FOCAD: variants seen among roughly 807,000 people sequenced by gnomAD.
FOCAD encodes the protein KIAA1797.
In FOCAD, 198 loss-of-function variants were observed where a neutral mutation model predicts 225.6. The observed-to-expected ratio is 0.88, with a 90% CI of 0.78 to 0.99. The LOEUF (loss-of-function observed/expected upper bound fraction) is 0.99. Ranked by LOEUF, FOCAD falls within the 50% of genes least tolerant of loss-of-function variation. The pLI, the probability that FOCAD is intolerant of heterozygous loss-of-function variation, is 0.00. For synonymous variants in FOCAD, 897 were observed against 755.0 expected (o/e 1.19, Z -3.08); for missense variants, 2,713 against 2,123.6 (o/e 1.28, Z -5.46).
At chr9:20,752,050 G>T (rs1157572186) in intron 5 of FOCAD, among the ~76,000 whole-genome samples, 1 of 141,954 alleles carries the variant, frequency 7.0e-6, no homozygotes, top group African/African-American at 2.6e-5. Context: ...TGTAGATTCT[G>T]GATATTAGCC....
intron 11 of FOCAD, among the ~76,000 whole-genome samples, chr9:20,797,249 A>G (rs907064483): frequency 7.9e-5 from 12 of 152,174 alleles, no homozygotes; most frequent in Admixed American, 2.0e-4. Context: ...GTCAGGTAGC[A>G]TGATGCCTCC....
chr9:20,734,875 G>C (rs139429653), intron 4 of FOCAD, among the ~76,000 whole-genome samples: 55 of 152,200 alleles, frequency 3.6e-4, no homozygotes, highest in Non-Finnish European at 6.9e-4. Context: ...GGGCCCAAGC[G>C]ATTCGCCCAC....
At chr9:20,957,665 C>CTA in intron 35 of FOCAD, 1 of 42,702 alleles carries the variant, frequency 2.3e-5, no homozygotes, top group Non-Finnish European at 4.4e-5. Context: ...GCATAGATAT[C>CTA]TCTCTCTCTT....
intron 5 of FOCAD, among the ~76,000 whole-genome samples, chr9:20,753,004 G>A (rs891780288): frequency 6.6e-6 from 1 of 151,468 alleles, no homozygotes; most frequent in Non-Finnish European, 1.5e-5. Context: ...TTTGTACATT[G>A]ATTTTGTATC....
chr9:20,837,203 C>G (rs867591196), intron 15 of FOCAD, among the ~76,000 whole-genome samples: 1 of 152,018 alleles, frequency 6.6e-6, no homozygotes, highest in South Asian at 2.1e-4. Context: ...ATGAAAAGTT[C>G]TCTCACTTGA....
chr9:20,838,933 CGTATG>C (rs1425096222), intron 15 of FOCAD, among the ~76,000 whole-genome samples: 3 of 151,924 alleles, frequency 2.0e-5, no homozygotes. Context: ...TAATATTTAA[CGTATG>C]GATTGGTGGT....
chr9:20,801,603 A>G (rs985744807), intron 11 of FOCAD, among the ~76,000 whole-genome samples: 12 of 152,172 alleles, frequency 7.9e-5, no homozygotes, highest in African/African-American at 2.9e-4. Flanking sequence ...TTTATTTTAT[A>G]CTTGACATCT....
intron 4 of FOCAD, among the ~76,000 whole-genome samples, chr9:20,738,723 T>C (rs538385954): frequency 2.6e-5 from 4 of 152,294 alleles, no homozygotes; most frequent in Admixed American, 2.6e-4. Flanking sequence ...ACTATTTGAG[T>C]GTCTACAGCA....
At chr9:20,692,425 C>T (rs1587233576) in intron 1 of FOCAD, among the ~76,000 whole-genome samples, 2 of 152,104 alleles carry the variant, frequency 1.3e-5, no homozygotes, top group Admixed American at 6.5e-5. Context: ...TCTAAGCCCC[C>T]GTTGTTTATG....
intron 19 of FOCAD, among the ~76,000 whole-genome samples, chr9:20,878,750 G>A (rs1008987100): frequency 6.6e-6 from 1 of 152,180 alleles, no homozygotes; most frequent in African/African-American, 2.4e-5. Context: ...CTATCTGCAA[G>A]CTGGAGACTG....
chr9:20,787,561 C>A (rs1382973055), intron 10 of FOCAD, among the ~76,000 whole-genome samples: 2 of 150,114 alleles, frequency 1.3e-5, no homozygotes, highest in African/African-American at 5.1e-5. Flanking sequence ...AGAGCTAGAG[C>A]TATATAAACT....
intron 28 of FOCAD, among the ~76,000 whole-genome samples, chr9:20,934,212 A>G (rs1481745092): frequency 6.6e-6 from 1 of 152,062 alleles, no homozygotes; most frequent in Non-Finnish European, 1.5e-5. Context: ...TCTTTCGTTT[A>G]ATTAAGTCCA....
intron 18 of FOCAD, chr9:20,874,310 C>G (rs1830044177): frequency 6.0e-6 from 1 of 167,264 alleles, no homozygotes. Flanking sequence ...AGGCAAATAT[C>G]TAACTATGAG....
chr9:20,921,396 C>T (rs1834417537), intron 24 of FOCAD, among the ~76,000 whole-genome samples: 2 of 152,178 alleles, frequency 1.3e-5, no homozygotes, highest in African/African-American at 4.8e-5. Context: ...GCAAATTAGT[C>T]TCTCTTGTTT....
chr9:20,907,149 G>T lies in FOCAD; in HGVS notation c.2626-1G>T, dbSNP rs1274682948. On this transcript the variant is annotated splice_acceptor_variant, in intron 21 of 43. Transcript: ENST00000338382. LOFTEE classifies it high-confidence loss of function. ...TATGTTGTGGTACATTTTTCCCATA[G>T]GTTCATATCCAGCTTTCAGAGTGGC... is the stretch of plus-strand genomic sequence containing the variant. The T allele has an allele frequency of 9.3e-6, 15 of 1,611,806 alleles. No individual in the cohort carries two copies. The highest frequency in any genetic ancestry group is 1.3e-5 in the Non-Finnish European group (15 of 1,178,526).
intron 4 of FOCAD, among the ~76,000 whole-genome samples, chr9:20,732,142 T>G (rs1415154626): frequency 2.6e-5 from 4 of 152,312 alleles, no homozygotes; most frequent in Admixed American, 1.3e-4. Flanking sequence ...TGCTAGGTGC[T>G]GTGATACCGT....
intron 29 of FOCAD, among the ~76,000 whole-genome samples, chr9:20,945,706 G>A (rs573847509): frequency 6.6e-6 from 1 of 152,156 alleles, no homozygotes; most frequent in East Asian, 1.9e-4. Flanking sequence ...ATAAATGAAA[G>A]CAATGTTTTT....
chr9:20,966,663 G>A (rs1426243918), intron 35 of FOCAD, among the ~76,000 whole-genome samples: 1 of 152,016 alleles, frequency 6.6e-6, no homozygotes, highest in Non-Finnish European at 1.5e-5. Context: ...TATTTAAGCT[G>A]TTAACCCATT....
chr9:20,796,279 G>T (rs1050741419), intron 11 of FOCAD, among the ~76,000 whole-genome samples: 1 of 152,184 alleles, frequency 6.6e-6, no homozygotes, highest in Admixed American at 6.5e-5. Flanking sequence ...AAACATACGT[G>T]TGCATGTGTC....
Sources: allele counts gnomAD v4.1 joint callset (sites outside exome capture counted in the v4.1 genomes callset), GRCh38; gene constraint gnomAD v4.1.1; transcripts MANE v1.5; gene names NCBI Gene and HGNC (gene_info 2026-07-23, HGNC 2026-07-21).